The following DENND4A variants were observed in gnomAD, a reference collection of about 807,000 sequenced individuals.
DENND4A encodes the protein DENN domain containing 4A, also known as C-myc promoter-binding protein.
DENND4A carries 70 observed loss-of-function variants against 199.3 expected under a neutral mutation model. The observed-to-expected ratio is 0.35, with a 90% CI of 0.29 to 0.43. The LOEUF (loss-of-function observed/expected upper bound fraction) is 0.43. DENND4A is among the 20% of genes least tolerant of loss of function. The pLI is 1.00. For synonymous variants in DENND4A, 686 were observed against 766.9 expected (o/e 0.89, Z 1.74); for missense variants, 1,723 against 2,255.8 (o/e 0.76, Z 4.78).
At position 65,756,242 on chromosome 15, in the gene DENND4A, G is replaced by A; in HGVS notation, c.209C>T (p.Pro70Leu). 1.2e-6 allele frequency: 2 copies of A among 1,612,598 alleles called. No individual in the cohort carries two copies. The highest frequency in any genetic ancestry group is 1.7e-6 in the Non-Finnish European group (2 of 1,179,206). Residue 70 changes from proline (P) to leucine (L), a missense_variant, in exon 3 of 33, where the codon CCA (proline) becomes CTA (leucine). Transcript: ENST00000443035. ...PQDYICIDVT[P>L]TGLSADLNNG... ...ATTAAGATCAGCTGACAATCCAGTT[G>A]GGGTAACATCAATACAGATATAATC...
intron 14 of DENND4A, among the ~76,000 whole-genome samples, chr15:65,708,952 A>T (rs974098206): frequency 2.0e-5 from 3 of 152,224 alleles, no homozygotes; most frequent in Non-Finnish European, 4.4e-5. Context: ...TACCCGCTCC[A>T]GCTTTTTAAA....
Position 65,690,957 on chromosome 15 carries a change from G to C in DENND4A, c.3637C>G (p.Pro1213Ala). ...EKTDVATGFD[P>A]LSLLVAETEQ... The stretch of plus-strand genomic sequence containing the variant: ...GTCTCAGCAACCAAAAGAGAGAGGG[G>C]ATCAAATCCTGTTGCGACATCAGTT... The change falls in exon 23 of 33, where the codon CCC becomes GCC. Residue 1213 changes from proline to alanine, a missense_variant. Coordinates refer to ENST00000443035, the MANE Select transcript of DENND4A (RefSeq NM_001320835.1). 6.2e-6 allele frequency: 10 copies of C among 1,602,864 alleles called. No individual in the cohort carries two copies. The highest frequency in any genetic ancestry group is 8.5e-6 in the Non-Finnish European group (10 of 1,174,152).
Position 65,661,394 on chromosome 15 carries a change from A to G in DENND4A, c.*457T>C, listed in dbSNP as rs1278544565. Reference sequence around the variant, plus strand: ...TATTAAATTTAAAAATTAAAAAAATATCAACTTACTATAAACAATTTAAAA... The same window carrying G: ...TATTAAATTTAAAAATTAAAAAAATGTCAACTTACTATAAACAATTTAAAA... On this transcript the variant is annotated 3_prime_UTR_variant, in exon 33 of 33. Coordinates refer to ENST00000443035, the MANE Select transcript of DENND4A (RefSeq NM_001320835.1). The G allele has an allele frequency of 6.6e-6, 1 of 152,328 alleles. No homozygotes were observed. The highest frequency in any genetic ancestry group is 1.5e-5 in the Non-Finnish European group (1 of 68,134). 9.4% of individuals were successfully genotyped at this position (152,328 alleles called of 1,614,324 possible).
intron 7 of DENND4A, among the ~76,000 whole-genome samples, chr15:65,736,431 T>TA (rs2076121167): frequency 1.4e-5 from 1 of 73,832 alleles, no homozygotes; most frequent in Admixed American, 1.3e-4. Context: ...GGCTTTTGTA[T>TA]TTTTTTTTTT....
At chr15:65,778,431 CAGT>C (rs1290331261) in intron 1 of DENND4A, among the ~76,000 whole-genome samples, 1 of 143,600 alleles carries the variant, frequency 7.0e-6, no homozygotes, top group Non-Finnish European at 1.5e-5. Flanking sequence ...CTAAAATACT[CAGT>C]GGTAAAATAC....
intron 1 of DENND4A, among the ~76,000 whole-genome samples, chr15:65,783,534 C>T (rs2414884): frequency 0.56 from 84,754 of 152,042 alleles, 26,064 homozygotes; most frequent in African/African-American, 0.82. Context: ...AATGAGCACA[C>T]TGAGTAACCA....
At position 65,660,344 on chromosome 15, in the gene DENND4A, T is replaced by G. The variant is rs2075814233; in HGVS notation, c.*1507A>C. 3 of 1,525,092 alleles carry G rather than the reference T, an allele frequency of 2.0e-6. No homozygotes were observed. In the East Asian group the frequency reaches 7.4e-5, roughly 37 times the overall value. The allele number at this position is 1,525,092 out of a possible 1,614,324, so 94.5% of individuals were successfully genotyped here. The stretch of plus-strand genomic sequence containing the variant: ...TAATGGTGTGAACTCAAAAGGTGGG[T>G]TTTCTGCAGCTGAACTGATTCTAAG... On this transcript the variant is annotated 3_prime_UTR_variant, in exon 33 of 33. Coordinates refer to ENST00000443035, the MANE Select transcript of DENND4A (RefSeq NM_001320835.1).
chr15:65,669,677 A>T, intron 27 of DENND4A, 102 bp downstream of exon 27: 1 of 958,532 alleles, frequency 1.0e-6, no homozygotes, highest in Non-Finnish European at 1.5e-6. Context: ...TGTTATTCAT[A>T]GACATTTAAA....
chr15:65,732,372 T>C (rs1276927850), intron 8 of DENND4A, among the ~76,000 whole-genome samples: 6 of 152,118 alleles, frequency 3.9e-5, no homozygotes, highest in African/African-American at 1.2e-4. Flanking sequence ...TGTATCAATA[T>C]AATAATGTAA....
intron 2 of DENND4A, among the ~76,000 whole-genome samples, chr15:65,759,474 T>C (rs945283075): frequency 6.6e-6 from 1 of 151,830 alleles, no homozygotes; most frequent in African/African-American, 2.4e-5. Flanking sequence ...CGAGACTCCA[T>C]CTGGAAAAAA....
At chr15:65,705,140 G>A (rs1331663957) in intron 15 of DENND4A, among the ~76,000 whole-genome samples, 1 of 152,142 alleles carries the variant, frequency 6.6e-6, no homozygotes, top group Non-Finnish European at 1.5e-5. Context: ...ATCATCACTG[G>A]ATGAAAAGAG....
chr15:65,686,409 ATTT>A (rs2076783208), intron 23 of DENND4A, among the ~76,000 whole-genome samples: 1 of 152,138 alleles, frequency 6.6e-6, no homozygotes, highest in African/African-American at 2.4e-5. Context: ...GTCTTGACCA[ATTT>A]TTGTTACCTC....
At chr15:65,777,948 C>T (rs898165330) in intron 1 of DENND4A, among the ~76,000 whole-genome samples, 1 of 152,132 alleles carries the variant, frequency 6.6e-6, no homozygotes, top group South Asian at 2.1e-4. Flanking sequence ...GCAGAAGAAT[C>T]GCTTGAACCC....
intron 1 of DENND4A, among the ~76,000 whole-genome samples, chr15:65,765,552 G>A (rs751542822): frequency 6.6e-6 from 1 of 152,178 alleles, no homozygotes; most frequent in Non-Finnish European, 1.5e-5. Context: ...CTGTATTACT[G>A]ACATTGATAC....
Position 65,774,441 on chromosome 15 carries a change from G to C in DENND4A, c.-101-13003C>G, listed in dbSNP as rs557063705. On this transcript the variant is annotated intron_variant, in intron 1 of 32. Coordinates refer to ENST00000443035, the MANE Select transcript of DENND4A (RefSeq NM_001320835.1). ...GGAGGTGGAGGTTGCGGTGAGCCCA[G>C]ATTGAGCCACTGCACTCCAGCCTGG... Among the ~76,000 whole-genome samples, 7 of 152,328 alleles carry C rather than the reference G, an allele frequency of 4.6e-5. No individual in the cohort carries two copies. The East Asian group carries it at 1.4e-3, about 29-fold the overall frequency.
intron 1 of DENND4A, among the ~76,000 whole-genome samples, chr15:65,769,355 C>T (rs2077068991): frequency 6.6e-6 from 1 of 152,110 alleles, no homozygotes; most frequent in African/African-American, 2.4e-5. Context: ...CATAAACATT[C>T]CTCTGAGCTC....
intron 21 of DENND4A, 50 bp downstream of exon 21, chr15:65,697,217 A>G (rs1231998411): frequency 8.7e-7 from 1 of 1,145,888 alleles, no homozygotes; most frequent in Non-Finnish European, 1.3e-6. Context: ...TGCATTTTCT[A>G]TGAATATAAG....
chr15:65,710,911 C>T (rs962232136), intron 14 of DENND4A, among the ~76,000 whole-genome samples: 2 of 152,200 alleles, frequency 1.3e-5, no homozygotes, highest in Non-Finnish European at 2.9e-5. Flanking sequence ...CATGTTGGCT[C>T]CCTAGTGGCT....
At chr15:65,769,348 AAAC>A in intron 1 of DENND4A, among the ~76,000 whole-genome samples, 1 of 152,162 alleles carries the variant, frequency 6.6e-6, no homozygotes, top group East Asian at 1.9e-4. Context: ...CCACAAACAT[AAAC>A]ATTCCTCTGA....
Sources: gnomAD v4.1 joint callset for allele counts (sites outside exome capture counted in the v4.1 genomes callset) on GRCh38, gnomAD v4.1.1 for gene constraint, MANE v1.5 for transcripts, NCBI Gene and HGNC (gene_info 2026-07-23, HGNC 2026-07-21) for gene names.